The following HNRNPD variants were observed in gnomAD, a reference collection of about 807,000 sequenced individuals.
HNRNPD encodes the protein heterogeneous nuclear ribonucleoprotein D0.
In HNRNPD, 3 loss-of-function variants were observed where a neutral mutation model predicts 47.9. The ratio of observed to expected loss-of-function variants is 0.06; its 90% confidence interval spans 0.03 to 0.16. The LOEUF is 0.16. Ranked by LOEUF, HNRNPD falls within the 10% of genes least tolerant of loss-of-function variation. The pLI is 1.00. For missense variants in HNRNPD, 287 were observed against 454.2 expected, an observed-to-expected ratio of 0.63 and a Z score of 3.35; for synonymous variants, 171 against 165.1, an observed-to-expected ratio of 1.04 and a Z score of -0.28.
chr4:82,369,181 A>G (rs1216838758), intron 2 of HNRNPD, among the ~76,000 whole-genome samples: 2 of 152,232 alleles, frequency 1.3e-5, no homozygotes, highest in African/African-American at 2.4e-5. Context: ...GACACTAAAT[A>G]ATTTTAAAGT....
intron 2 of HNRNPD, among the ~76,000 whole-genome samples, chr4:82,363,046 GTGTA>G (rs1472489054): frequency 0.012 from 1,815 of 149,820 alleles, 35 homozygotes; most frequent in African/African-American, 0.044. Flanking sequence ...GTGTGTGTGT[GTGTA>G]TATATATATA....
Position 82,373,595 on chromosome 4 carries a change from T to A in HNRNPD, c.84A>T (p.Gly28=). ...CCCCCTGTGTCGCCGCCACCATGGC[T>A]CCCTCCTGCTCGCCCGCCGAGCCGC... ...AVGGSAGEQE[G]AMVAATQGAA... The change falls in exon 1 of 9, where the codon GGA becomes GGT. Residue 28 remains glycine, a synonymous_variant. Transcript: ENST00000313899. 1 of 1,528,164 alleles carries A rather than the reference T, an allele frequency of 6.5e-7. No individual in the cohort carries two copies. 94.7% of individuals were successfully genotyped at this position (1,528,164 alleles called of 1,614,324 possible). A position where few individuals can be genotyped will look rare whatever the true frequency, so the allele number is the denominator to read the frequency against.
intron 5 of HNRNPD, 133 bp downstream of exon 5, chr4:82,357,180 T>C (rs2069116): frequency 0.013 from 12,270 of 969,234 alleles, 317 homozygotes; most frequent in Admixed American, 0.086. Flanking sequence ...CCACAAAAAG[T>C]TGGTCAATGG....
Position 82,352,843 on chromosome 4 carries a change from G to C in HNRNPD, c.*1342C>G, listed in dbSNP as rs1296610015. 1 of 152,194 alleles carries C rather than the reference G, an allele frequency of 6.6e-6. No homozygotes were observed. Among genetic ancestry groups the C allele is most frequent in the East Asian group, 1.9e-4 (1 of 5,196 alleles). The allele number at this position is 152,194 out of a possible 1,614,324, so 9.4% of individuals were successfully genotyped here. A position where few individuals can be genotyped will look rare whatever the true frequency, so the allele number is the denominator to read the frequency against. ...TTTTGCTCATTAAAATGTTTGCTTA[G>C]TTGGAGGTCAAATTCTTAGCATCAG... On this transcript the variant is annotated 3_prime_UTR_variant, in exon 9 of 9. Transcript: ENST00000313899.
chr4:82,373,874 C>T lies in HNRNPD; in HGVS notation c.-196G>A. On this transcript the variant is annotated 5_prime_UTR_variant, in exon 1 of 9. Transcript: ENST00000313899. ...CTGCCCCCTTCGCCTCCCACTCTCG[C>T]GCGGCGCACACTCCCGCTCTCTCCC... The T allele has an allele frequency of 7.9e-7, 1 of 1,272,846 alleles. No individual in the cohort carries two copies. The highest frequency in any genetic ancestry group is 1.0e-6 in the Non-Finnish European group (1 of 960,072). The allele number at this position is 1,272,846 out of a possible 1,614,324, so 78.8% of individuals were successfully genotyped here. A position where few individuals can be genotyped will look rare whatever the true frequency, so the allele number is the denominator to read the frequency against.
chr4:82,357,956 A>G (rs1482745323), intron 4 of HNRNPD: 4 of 152,334 alleles, frequency 2.6e-5, no homozygotes, highest in Non-Finnish European at 4.4e-5. Flanking sequence ...TTTGTGGGCA[A>G]TATCTCAAAT....
chr4:82,359,345 G>T, intron 3 of HNRNPD, 126 bp downstream of exon 3: 1 of 532,138 alleles, frequency 1.9e-6, no homozygotes, highest in Non-Finnish European at 3.0e-6. Context: ...ACGTATTGGG[G>T]CAAGAACTAT....
chr4:82,373,328 A>T (rs949140164), intron 1 of HNRNPD, 118 bp downstream of exon 1: 1 of 1,326,292 alleles, frequency 7.5e-7, no homozygotes, highest in African/African-American at 1.6e-5. Context: ...CAGTGCAAGG[A>T]GGCTGCATGG....
At chr4:82,357,875 TA>T in intron 4 of HNRNPD, 1 of 153,502 alleles carries the variant, frequency 6.5e-6, no homozygotes, top group Admixed American at 6.5e-5. Context: ...GATGCTGCCG[TA>T]CAGGAGGGCA....
chr4:82,371,830 G>A (rs537335794), intron 1 of HNRNPD, among the ~76,000 whole-genome samples: 1 of 152,272 alleles, frequency 6.6e-6, no homozygotes, highest in African/African-American at 2.4e-5. Context: ...AATGTTAAAG[G>A]TTTTAAGTTT....
At chr4:82,364,605 T>C (rs181250709) in intron 2 of HNRNPD, among the ~76,000 whole-genome samples, 158 of 152,294 alleles carry the variant, frequency 1.0e-3, no homozygotes, top group Admixed American at 2.8e-3. Flanking sequence ...TATTCTAATA[T>C]TTTCAATGCT....
chr4:82,370,911 C>T (rs1294133130), intron 2 of HNRNPD, among the ~76,000 whole-genome samples: 1 of 151,788 alleles, frequency 6.6e-6, no homozygotes, highest in African/African-American at 2.4e-5. Flanking sequence ...CCAAATCACA[C>T]TGAAAATAAA....
intron 2 of HNRNPD, among the ~76,000 whole-genome samples, chr4:82,370,376 A>C (rs1002550554): frequency 6.6e-6 from 1 of 152,242 alleles, no homozygotes; most frequent in African/African-American, 2.4e-5. Flanking sequence ...GGAAACAATT[A>C]CATGAGACTC....
intron 1 of HNRNPD, chr4:82,373,051 T>C: frequency 6.7e-6 from 3 of 450,990 alleles, no homozygotes; most frequent in Admixed American, 2.6e-5. Flanking sequence ...TGTTTGTGTC[T>C]GTGTTTTTAT....
chr4:82,360,482 A>G (rs1395128278), intron 2 of HNRNPD, among the ~76,000 whole-genome samples: 2 of 152,154 alleles, frequency 1.3e-5, no homozygotes, highest in Non-Finnish European at 2.9e-5. Flanking sequence ...AAATAAATAA[A>G]TAAATAAATA....
intron 1 of HNRNPD, among the ~76,000 whole-genome samples, chr4:82,371,853 C>T (rs900749609): frequency 6.6e-6 from 1 of 152,188 alleles, no homozygotes; most frequent in East Asian, 1.9e-4. Context: ...AAATATCTAA[C>T]ATCTTCCTTT....
At chr4:82,365,799 G>C (rs989901801) in intron 2 of HNRNPD, among the ~76,000 whole-genome samples, 2 of 98,610 alleles carry the variant, frequency 2.0e-5, no homozygotes, top group Non-Finnish European at 3.6e-5. Context: ...TTTTTTTGTA[G>C]AGACAGGATC....
At chr4:82,372,899 A>G (rs1720134068) in intron 1 of HNRNPD, among the ~76,000 whole-genome samples, 1 of 152,204 alleles carries the variant, frequency 6.6e-6, no homozygotes. Context: ...AATCCCAAGA[A>G]AACAGTCGGC....
intron 1 of HNRNPD, 67 bp downstream of exon 1, chr4:82,373,379 G>A (rs1720198604): frequency 6.6e-7 from 1 of 1,518,864 alleles, no homozygotes; most frequent in Non-Finnish European, 8.8e-7. Flanking sequence ...CAGGCCTAAT[G>A]GCGGGGGAAT....
Sources: allele counts gnomAD v4.1 joint callset (sites outside exome capture counted in the v4.1 genomes callset), GRCh38; gene constraint gnomAD v4.1.1; transcripts MANE v1.5; gene names NCBI Gene and HGNC (gene_info 2026-07-23, HGNC 2026-07-21).